BBS7: variants seen among roughly 807,000 people sequenced by gnomAD.
BBS7 encodes BBSome complex member BBS7.
BBS7 carries 50 observed loss-of-function variants against 90.3 expected under a neutral mutation model. The ratio of observed to expected loss-of-function variants is 0.55; its 90% CI spans 0.44 to 0.70. The LOEUF (loss-of-function observed/expected upper bound fraction) is 0.70, where lower values mean the gene tolerates loss of function less well. Ranked by LOEUF, BBS7 falls within the 30% of genes least tolerant of loss-of-function variation. BBS7 has a pLI of 0.00. For synonymous variants in BBS7, 235 were observed against 287.4 expected, an observed-to-expected ratio of 0.82 and a Z score of 1.85; for missense variants, 729 against 838.9, an observed-to-expected ratio of 0.87 and a Z score of 1.62.
intron 13 of BBS7, among the ~76,000 whole-genome samples, chr4:121,836,135 T>G (rs1479956393): frequency 6.6e-6 from 1 of 152,214 alleles, no homozygotes. Flanking sequence ...ATTTTGAATA[T>G]GACTGGCCGG....
chr4:121,861,373 G>T, intron 4 of BBS7, 131 bp downstream of exon 4: 1 of 881,420 alleles, frequency 1.1e-6, no homozygotes, highest in Non-Finnish European at 1.7e-6. Flanking sequence ...TTTAGTTTCT[G>T]ACTAATAAAA....
At chr4:121,863,584 G>A (rs990290342) in intron 2 of BBS7, among the ~76,000 whole-genome samples, 3 of 152,020 alleles carry the variant, frequency 2.0e-5, no homozygotes, top group Admixed American at 2.0e-4. Flanking sequence ...CCACATGCAG[G>A]TTGTTACGAA....
intron 18 of BBS7, 183 bp downstream of exon 18, chr4:121,827,963 G>A: frequency 7.1e-7 from 1 of 1,406,088 alleles, no homozygotes; most frequent in Non-Finnish European, 9.2e-7. Context: ...AATATTAAAA[G>A]TAGCTTGACA....
At chr4:121,858,848 A>T (rs1726825647) in intron 5 of BBS7, 144 bp downstream of exon 5, 3 of 766,452 alleles carry the variant, frequency 3.9e-6, no homozygotes, top group Non-Finnish European at 6.1e-6. Context: ...TAAAAAAATT[A>T]ATATGTCAAA....
At position 121,870,337 on chromosome 4, in the gene BBS7, C is replaced by A; in HGVS notation, c.-24G>T. 5.0e-6 allele frequency: 8 copies of A among 1,614,098 alleles called. No individual in the cohort carries two copies. The highest frequency in any genetic ancestry group is 6.8e-6 in the Non-Finnish European group (8 of 1,179,936). On this transcript the variant is annotated 5_prime_UTR_variant, in exon 1 of 19. Transcript: ENST00000264499. ...ATGATGACTACGCGGAGGGGCTAAG[C>A]AGCGCCGGACAAGAACAGGAGGGAC...
At chr4:121,851,376 C>A (rs1258921040) in intron 8 of BBS7, among the ~76,000 whole-genome samples, 2 of 90,626 alleles carry the variant, frequency 2.2e-5, no homozygotes, top group African/African-American at 3.9e-5. Context: ...CTGCAAGGAG[C>A]AGGAAAAAAA....
At chr4:121,843,592 G>T (rs1014955042) in intron 12 of BBS7, among the ~76,000 whole-genome samples, 16 of 152,288 alleles carry the variant, frequency 1.1e-4, no homozygotes, top group African/African-American at 2.9e-4. Flanking sequence ...GAGCATTTCA[G>T]ATTTCAGATT....
Position 121,848,855 on chromosome 4 carries a change from G to C in BBS7, c.923C>G (p.Ser308Cys), listed in dbSNP as rs936386471. 17 of 1,613,144 alleles carry C rather than the reference G, an allele frequency of 1.1e-5. No individual in the cohort carries two copies. The highest frequency in any genetic ancestry group is 2.7e-5 in the African/African-American group (2 of 74,846). Reference sequence around the variant, plus strand: ...ATCATTTACTTTACCTGAATATGTGGACACCACGATTTCATCATAGCTGTC... The same window carrying C: ...ATCATTTACTTTACCTGAATATGTGCACACCACGATTTCATCATAGCTGTC... Reference protein sequence around the residue: ...GKDSYDEIVVSTYSGWVTGLT... With the variant: ...GKDSYDEIVVCTYSGWVTGLT... The change falls in exon 9 of 19, where the codon TCC (serine) becomes TGC (cysteine). Residue 308 changes from serine (S) to cysteine (C), a missense_variant. Physicochemically the swap from Ser to Cys is moderately radical, Grantham distance 112. Transcript: ENST00000264499.
chr4:121,867,156 T>A (rs905401893), intron 2 of BBS7, among the ~76,000 whole-genome samples: 6 of 152,164 alleles, frequency 3.9e-5, no homozygotes, highest in Non-Finnish European at 5.9e-5. Flanking sequence ...CCTTGGTTAA[T>A]TTATTCCTAA....
At chr4:121,870,096 C>T (rs1265957977) in intron 1 of BBS7, among the ~76,000 whole-genome samples, 182 bp downstream of exon 1, 2 of 152,180 alleles carry the variant, frequency 1.3e-5, no homozygotes, top group Non-Finnish European at 2.9e-5. Flanking sequence ...CCGGTCCCCT[C>T]GGACCGTCAC....
At chr4:121,858,687 C>G in intron 5 of BBS7, 1 of 264,888 alleles carries the variant, frequency 3.8e-6, no homozygotes, top group African/African-American at 2.3e-5. Flanking sequence ...AAGAAGAAAA[C>G]AAAACAAAAA....
rs755048211 is a variant in BBS7, at chr4:121,845,571, T to C, written c.1163A>G (p.Asn388Ser). Reference protein sequence around the residue: ...SFGINDKFTLNKDDASYSLIL... With the variant: ...SFGINDKFTLSKDDASYSLIL... ...AAGGCTGTAACTGGCATCATCTTTA[T>C]TTAGTGTAAATTTATCATTTATACC... Residue 388 changes from asparagine (N) to serine (S), a missense_variant, in exon 11 of 19, where the codon AAT becomes AGT. Asn to Ser is a conservative substitution (Grantham distance 46). Coordinates refer to ENST00000264499, the MANE Select transcript of BBS7 (RefSeq NM_176824.3). 3 of 1,613,180 alleles carry C rather than the reference T, an allele frequency of 1.9e-6. No homozygotes were observed. Among genetic ancestry groups the C allele is most frequent in the Non-Finnish European group, 2.5e-6 (3 of 1,179,476 alleles).
Position 121,845,649 on chromosome 4 carries a change from TTCTC to T in BBS7, c.1081_1084del (p.Glu361IlefsTer20), listed in dbSNP as rs577434138. ...GCTTGATTGAGAAGACTGTTGATAA[TTCTC>T]TCTTTCCTGCAATACCTTATACTGC... is the stretch of plus-strand genomic sequence containing the variant. On this transcript the variant is annotated frameshift_variant, in exon 11 of 19. Coordinates refer to ENST00000264499, the MANE Select transcript of BBS7 (RefSeq NM_176824.3). LOFTEE classifies it high-confidence loss of function. The T allele has an allele frequency of 6.2e-7, 1 of 1,613,344 alleles. No homozygotes were observed. Among genetic ancestry groups the T allele is most frequent in the Admixed American group, 1.7e-5 (1 of 60,016 alleles).
intron 5 of BBS7, among the ~76,000 whole-genome samples, chr4:121,856,844 G>A (rs1010628098): frequency 6.0e-5 from 9 of 150,724 alleles, no homozygotes; most frequent in Admixed American, 2.7e-4. Flanking sequence ...ACCTCAGCTC[G>A]CTGCAACCTC....
intron 2 of BBS7, among the ~76,000 whole-genome samples, chr4:121,865,293 C>A (rs1727201746): frequency 6.6e-6 from 1 of 150,402 alleles, no homozygotes; most frequent in Non-Finnish European, 1.5e-5. Flanking sequence ...GGCTGGAGTG[C>A]AAAGGTGCCA....
intron 11 of BBS7, among the ~76,000 whole-genome samples, chr4:121,844,651 C>T (rs1725915296): frequency 6.6e-6 from 1 of 151,530 alleles, no homozygotes; most frequent in African/African-American, 2.4e-5. Flanking sequence ...TCTATTCATC[C>T]TATTATTCTT....
chr4:121,848,787 A>C, intron 9 of BBS7, 57 bp downstream of exon 9: 1 of 1,423,658 alleles, frequency 7.0e-7, no homozygotes, highest in Non-Finnish European at 9.9e-7. Context: ...AGTTTATTAA[A>C]TTTAATTTTT....
intron 8 of BBS7, among the ~76,000 whole-genome samples, chr4:121,852,388 G>T (rs889272824): frequency 6.6e-6 from 1 of 152,090 alleles, no homozygotes; most frequent in African/African-American, 2.4e-5. Flanking sequence ...GAAAATTAAA[G>T]ATTCAATTTA....
intron 5 of BBS7, 33 bp downstream of exon 5, chr4:121,858,959 A>G (rs778707545): frequency 1.9e-6 from 3 of 1,585,840 alleles, no homozygotes; most frequent in Non-Finnish European, 2.6e-6. Context: ...TTCACATAAT[A>G]TAAAAAATTA....
Sources: allele counts gnomAD v4.1 joint callset (sites outside exome capture counted in the v4.1 genomes callset), GRCh38; gene constraint gnomAD v4.1.1; transcripts MANE v1.5; gene names NCBI Gene and HGNC (gene_info 2026-07-23, HGNC 2026-07-21).